The following USP26 variants were observed in gnomAD, a reference collection of about 807,000 sequenced individuals.
The protein encoded by USP26 is ubiquitin carboxyl-terminal hydrolase 26.
For synonymous variants in USP26, 236 were observed against 240.6 expected (o/e 0.98, Z 0.18); for missense variants, 649 against 642.3 (o/e 1.01, Z -0.11).
At chrX:133,042,646 C>A (rs2067423887) in intron 5 of USP26, among the ~76,000 whole-genome samples, 1 of 112,100 alleles carries the variant, frequency 8.9e-6, no homozygotes, top group African/African-American at 3.2e-5. Flanking sequence ...ATTCAGCCAT[C>A]TTGGCCCCTC....
chrX:133,072,257 G>A (rs181861215), intron 5 of USP26, among the ~76,000 whole-genome samples: 151 of 112,082 alleles, frequency 1.3e-3, no homozygotes, highest in African/African-American at 4.5e-3. Context: ...AGAACTCTTG[G>A]CCTTACAGAT....
chrX:133,043,141 G>A (rs1290050181), intron 5 of USP26, among the ~76,000 whole-genome samples: 1 of 111,725 alleles, frequency 9.0e-6, no homozygotes, highest in East Asian at 2.8e-4. Context: ...GGGGGGACCA[G>A]AAAAAGGATG....
chrX:133,062,733 C>T (rs1159332398), intron 5 of USP26, among the ~76,000 whole-genome samples: 2 of 110,530 alleles, frequency 1.8e-5, no homozygotes, highest in African/African-American at 6.6e-5. Flanking sequence ...AGGACCCCCC[C>T]GCCACAAAAC....
chrX:133,073,336 T>A (rs1013831572), intron 5 of USP26, among the ~76,000 whole-genome samples: 10 of 74,871 alleles, frequency 1.3e-4, no homozygotes, highest in Admixed American at 1.6e-4. Flanking sequence ...TTCATGGGAC[T>A]AAAAAAAAAA....
chrX:133,033,769 T>A (rs1158679930), intron 5 of USP26, among the ~76,000 whole-genome samples: 1 of 112,400 alleles, frequency 8.9e-6, no homozygotes. Context: ...CCAAAATATG[T>A]TGATACCTAG....
intron 5 of USP26, among the ~76,000 whole-genome samples, chrX:133,050,640 C>G (rs940147794): frequency 9.0e-6 from 1 of 111,299 alleles, no homozygotes; most frequent in Non-Finnish European, 1.9e-5. Flanking sequence ...AGCAGGAGGA[C>G]AGAAATGTTT....
At chrX:133,079,678 A>G (rs2067563094) in intron 5 of USP26, among the ~76,000 whole-genome samples, 1 of 111,698 alleles carries the variant, frequency 9.0e-6, no homozygotes. Context: ...CAAGAAGCTA[A>G]CAATTGAAAT....
In USP26 at chrX:133,062,679, G is replaced by C. The variant is rs185469513; in HGVS notation, c.-77+21028C>G. Among the ~76,000 whole-genome samples, 9 of 109,943 alleles carry C rather than the reference G, an allele frequency of 8.2e-5. No individual in the cohort carries two copies. In the East Asian group the frequency reaches 2.0e-3, roughly 25 times the overall value. On this transcript the variant is annotated intron_variant, in intron 5 of 5. Transcript: ENST00000511190. ...CCTGCAGAAGAGGGGCCTGTTAGAGGAAAAACTAACAAAGAGAAAGCAATA... is the reference window on the plus strand; with the variant it reads ...CCTGCAGAAGAGGGGCCTGTTAGAGCAAAAACTAACAAAGAGAAAGCAATA...
At chrX:133,075,073 A>G (rs1027629705) in intron 5 of USP26, among the ~76,000 whole-genome samples, 1 of 111,304 alleles carries the variant, frequency 9.0e-6, no homozygotes, top group African/African-American at 3.3e-5. Flanking sequence ...GGCAGTTCCT[A>G]TTGTGTCCTC....
In USP26 at chrX:133,048,757, A is replaced by G. The variant is rs756884264; in HGVS notation, c.-76-20461T>C. ...AAGACGGGGTTTCACCGTGTTAGCC[A>G]GGATGGTCTCGATCTCCTGACCTCA... On this transcript the variant is annotated intron_variant, in intron 5 of 5. Coordinates refer to ENST00000511190, the MANE Select transcript of USP26 (RefSeq NM_031907.3). Among the ~76,000 whole-genome samples the G allele has an allele frequency of 4.5e-5, 5 of 111,739 alleles. No individual in the cohort carries two copies. In the East Asian group the frequency reaches 1.1e-3, roughly 25 times the overall value.
intron 5 of USP26, among the ~76,000 whole-genome samples, chrX:133,047,169 C>T (rs760698883): frequency 8.9e-6 from 1 of 111,762 alleles, no homozygotes; most frequent in Admixed American, 9.5e-5. Flanking sequence ...GAAAGGAAGC[C>T]GTGACCAGCC....
intron 5 of USP26, among the ~76,000 whole-genome samples, chrX:133,031,434 T>C (rs2067376035): frequency 8.9e-6 from 1 of 111,903 alleles, no homozygotes; most frequent in South Asian, 3.7e-4. Context: ...AGAACTCTCT[T>C]TGAGGACTCC....
chrX:133,070,692 A>G (rs755988115), intron 5 of USP26, among the ~76,000 whole-genome samples: 1 of 111,600 alleles, frequency 9.0e-6, no homozygotes, highest in African/African-American at 3.3e-5. Flanking sequence ...AAACCAGCTA[A>G]TTTTCTCTTC....
At chrX:133,040,657 C>T (rs761532703) in intron 5 of USP26, among the ~76,000 whole-genome samples, 10 of 111,200 alleles carry the variant, frequency 9.0e-5, no homozygotes, top group East Asian at 2.8e-4. Context: ...GAGAATCTGA[C>T]GATTATGTGT....
intron 5 of USP26, among the ~76,000 whole-genome samples, chrX:133,055,073 A>T (rs1475291298): frequency 8.9e-6 from 1 of 112,496 alleles, no homozygotes; most frequent in East Asian, 2.8e-4. Flanking sequence ...TGAAATTTTC[A>T]ACAGATACAT....
chrX:133,051,240 G>A (rs2067457968), intron 5 of USP26, among the ~76,000 whole-genome samples: 1 of 111,543 alleles, frequency 9.0e-6, no homozygotes, highest in African/African-American at 3.3e-5. Flanking sequence ...TTTGCCATTT[G>A]ACATTCACTT....
chrX:133,093,105 A>AAAAAC lies in USP26; in HGVS notation c.-392-1667_-392-1663dup, dbSNP rs2067613407. Among the ~76,000 whole-genome samples the AAAAAC allele has an allele frequency of 5.4e-5, 6 of 110,477 alleles. No homozygotes were observed. The South Asian group carries it at 2.3e-3, about 43-fold the overall frequency. ...AACCCCATCTCTCAAAAACAAAAAG[A>AAAAAC]AAAACAAAACAAAACAACAACAATG... On this transcript the variant is annotated intron_variant, in intron 1 of 5. Coordinates refer to ENST00000511190, the MANE Select transcript of USP26 (RefSeq NM_031907.3).
chrX:133,049,552 T>C (rs1343276954), intron 5 of USP26, among the ~76,000 whole-genome samples: 1 of 112,370 alleles, frequency 8.9e-6, no homozygotes, highest in East Asian at 2.8e-4. Context: ...AGTTATTTAC[T>C]TCCTTGCTGA....
At chrX:133,084,350 C>T (rs1030375067) in intron 4 of USP26, among the ~76,000 whole-genome samples, 1 of 110,305 alleles carries the variant, frequency 9.1e-6, no homozygotes, top group Non-Finnish European at 1.9e-5. Flanking sequence ...AGGCGTGACA[C>T]CACCCCCAGC....
Sources: gnomAD v4.1 joint callset for allele counts (sites outside exome capture counted in the v4.1 genomes callset) on GRCh38, gnomAD v4.1.1 for gene constraint, MANE v1.5 for transcripts, NCBI Gene and HGNC (gene_info 2026-07-23, HGNC 2026-07-21) for gene names.